The following GALNT15 variants were observed in gnomAD, a reference collection of about 807,000 sequenced individuals.
GALNT15 encodes polypeptide N-acetylgalactosaminyltransferase 15, also known as UDP-GalNAc transferase T15.
Under a neutral mutation model 66.8 loss-of-function variants are expected in GALNT15, and 67 were observed. The observed-to-expected ratio is 1.00, with a 90% CI of 0.82 to 1.23. GALNT15 has a LOEUF of 1.23. GALNT15 is among the 50% of genes most tolerant of loss of function. GALNT15 has a pLI of 0.00. For missense variants in GALNT15, 827 were observed against 804.3 expected (o/e 1.03, Z -0.34); for synonymous variants, 313 against 311.5 (o/e 1.00, Z -0.05).
rs1505610 is a variant in GALNT15 at position 16,211,991 on chromosome 3, G to C, written c.1198-578G>C. ...TTCCATTCATATGCTGCTTATCCTA[G>C]GACAGTACTTCTACTTTAACCTTTA... On this transcript the variant is annotated intron_variant, in intron 5 of 9. Coordinates refer to ENST00000339732, the MANE Select transcript of GALNT15 (RefSeq NM_054110.5). The surrounding 1 kb of genome is among the most constrained non-coding windows in gnomAD (Gnocchi z 4.3). Among the ~76,000 whole-genome samples, 27,467 of 152,106 alleles carry C rather than the reference G, an allele frequency of 0.18. 3,104 individuals carry two copies. The highest frequency in any genetic ancestry group is 0.31 in the African/African-American group (12,739 of 41,456).
chr3:16,200,497 G>A lies in GALNT15; in HGVS notation c.707-122G>A, dbSNP rs1050108724. The A allele has an allele frequency of 2.5e-5, 17 of 667,566 alleles. No homozygotes were observed. The highest frequency in any genetic ancestry group is 1.2e-4 in the Admixed American group (3 of 25,228). 41.4% of individuals were successfully genotyped at this position (667,566 alleles called of 1,614,324 possible). ...ACAACCACACTGTAGTAATGTTTTC[G>A]GTTCTTAGGACCCAGGTGCTCACCA... On this transcript the variant is annotated intron_variant, in intron 2 of 9. Transcript: ENST00000339732. The surrounding 1 kb of genome is among the most constrained non-coding windows in gnomAD (Gnocchi z 4.4).
downstream of GALNT15, among the ~76,000 whole-genome samples, chr3:16,232,392 C>A (rs2064089715): frequency 6.8e-6 from 1 of 146,404 alleles, no homozygotes; most frequent in Non-Finnish European, 1.5e-5. Context: ...ATAGTAAGAC[C>A]CTATCTCTAC....
chr3:16,192,211 G>A (rs973476), intron 1 of GALNT15, among the ~76,000 whole-genome samples: 3 of 152,120 alleles, frequency 2.0e-5, no homozygotes, highest in Non-Finnish European at 2.9e-5. Flanking sequence ...GCACACACAC[G>A]TGCACATGTG....
At chr3:16,232,512 T>A (rs1828903), downstream of GALNT15, among the ~76,000 whole-genome samples, 8,244 of 33,900 alleles carry the variant, frequency 0.24, 1,067 homozygotes, top group Non-Finnish European at 0.27. Context: ...ATATATATAT[T>A]TATTTAAAAG....
chr3:16,215,550 G>A (rs757788095), intron 6 of GALNT15, among the ~76,000 whole-genome samples: 7 of 152,130 alleles, frequency 4.6e-5, no homozygotes, highest in Non-Finnish European at 1.5e-5. Flanking sequence ...ATAGTTGGAC[G>A]TCCATAAATA....
intron 1 of GALNT15, among the ~76,000 whole-genome samples, chr3:16,178,254 T>C (rs2063431825): frequency 1.3e-5 from 2 of 152,118 alleles, no homozygotes; most frequent in Non-Finnish European, 2.9e-5. Context: ...CAAGTGTGGG[T>C]ACATTTTGTG....
rs2063915456 is a variant in GALNT15 at position 16,219,325 on chromosome 3, A to G, written c.1393-78A>G. The G allele has an allele frequency of 3.2e-6, 5 of 1,570,614 alleles. No individual in the cohort carries two copies. Among genetic ancestry groups the G allele is most frequent in the South Asian group, 2.4e-5 (2 of 83,216 alleles). On this transcript the variant is annotated intron_variant, in intron 6 of 9. Transcript: ENST00000339732. This position sits in a 1 kb window ranked among gnomAD's most constrained non-coding sequence, Gnocchi z 4.3. The stretch of plus-strand genomic sequence containing the variant: ...TGTCCTGATCCTTTAGCTTCTTCCC[A>G]GCCACTCCATCCCCAACCATGTGAA...
chr3:16,196,145 T>C (rs959165356), intron 2 of GALNT15, among the ~76,000 whole-genome samples: 1 of 152,118 alleles, frequency 6.6e-6, no homozygotes, highest in Non-Finnish European at 1.5e-5. Flanking sequence ...GAAAGAGCCC[T>C]GCAGGGGAAA....
intron 4 of GALNT15, among the ~76,000 whole-genome samples, chr3:16,210,714 A>AG (rs1181704238): frequency 6.6e-6 from 1 of 152,196 alleles, no homozygotes; most frequent in Non-Finnish European, 1.5e-5. Flanking sequence ...GAAGAGGGTG[A>AG]GAAAAAGAAA....
rs1420175909 is a variant in GALNT15, at chr3:16,224,792, A to G, written c.1773+2034A>G. On this transcript the variant is annotated intron_variant, in intron 9 of 9. Coordinates refer to ENST00000339732, the MANE Select transcript of GALNT15 (RefSeq NM_054110.5). This position sits in a 1 kb window ranked among gnomAD's most constrained non-coding sequence, Gnocchi z 5.2. ...GCTGAGATTAGAGGTGCCTGCCACCATGCCCAGCTAATTTTGTATTTTTAG... is the reference window on the plus strand; with the variant it reads ...GCTGAGATTAGAGGTGCCTGCCACCGTGCCCAGCTAATTTTGTATTTTTAG... Among the ~76,000 whole-genome samples the G allele has an allele frequency of 6.6e-6, 1 of 152,024 alleles. No individual in the cohort carries two copies. Among genetic ancestry groups the G allele is most frequent in the Non-Finnish European group, 1.5e-5 (1 of 68,004 alleles).
chr3:16,233,251 C>T (rs749784457), downstream of GALNT15, among the ~76,000 whole-genome samples: 1 of 151,596 alleles, frequency 6.6e-6, no homozygotes, highest in African/African-American at 2.4e-5. Context: ...TGCATCACCA[C>T]GCCTGGCTAA....
downstream of GALNT15, among the ~76,000 whole-genome samples, chr3:16,232,469 AATATATATATATATATATATATATATAT>A (rs374444719): frequency 2.1e-4 from 8 of 38,742 alleles, 2 homozygotes; most frequent in South Asian, 2.4e-3. Context: ...TAAATAAATA[AATATATATATATATATATATATATATAT>A]ATATATATAT....
At chr3:16,232,485 T>A (rs1302989408), downstream of GALNT15, among the ~76,000 whole-genome samples, 594 of 65,082 alleles carry the variant, frequency 9.1e-3, 15 homozygotes, top group African/African-American at 0.033. Context: ...TATATATATA[T>A]ATATATATAT....
chr3:16,225,785 C>G lies in GALNT15; in HGVS notation c.1774-1569C>G, dbSNP rs1431193728. Among the ~76,000 whole-genome samples the G allele has an allele frequency of 6.6e-6, 1 of 151,524 alleles. No individual in the cohort carries two copies. Among genetic ancestry groups the G allele is most frequent in the Non-Finnish European group, 1.5e-5 (1 of 67,924 alleles). ...ACCTTAAAAATATTACACACGGTGC[C>G]CAACACTTTGAGAGGCAGAGGTGGG... On this transcript the variant is annotated intron_variant, in intron 9 of 9. Transcript: ENST00000339732. The surrounding 1 kb of genome is among the most constrained non-coding windows in gnomAD (Gnocchi z 4.4).
chr3:16,228,370 G>A lies in GALNT15; in HGVS notation c.*870G>A. 1 of 984,038 alleles carries A rather than the reference G, an allele frequency of 1.0e-6. No individual in the cohort carries two copies. The highest frequency in any genetic ancestry group is 1.2e-6 in the Non-Finnish European group (1 of 828,366). 61.0% of individuals were successfully genotyped at this position (984,038 alleles called of 1,614,324 possible). A position where few individuals can be genotyped will look rare whatever the true frequency, so the allele number is the denominator to read the frequency against. ...TTGAGAAACTCTCCTGCCGGGCGCGGTGGCTCATGCCTGTAATTCCAGCAC... is the reference window on the plus strand; with the variant it reads ...TTGAGAAACTCTCCTGCCGGGCGCGATGGCTCATGCCTGTAATTCCAGCAC... On this transcript the variant is annotated 3_prime_UTR_variant, in exon 10 of 10. Coordinates refer to ENST00000339732, the MANE Select transcript of GALNT15 (RefSeq NM_054110.5).
At chr3:16,215,495 A>G (rs2063861315) in intron 6 of GALNT15, among the ~76,000 whole-genome samples, 1 of 152,244 alleles carries the variant, frequency 6.6e-6, no homozygotes, top group African/African-American at 2.4e-5. Flanking sequence ...GCTCTCTAAC[A>G]TCGAAACAGT....
the GALNT15 span, among the ~76,000 whole-genome samples, chr3:16,243,063 A>T: frequency 2.0e-5 from 3 of 152,142 alleles, no homozygotes; most frequent in African/African-American, 7.2e-5. Flanking sequence ...TACCTAAAGA[A>T]CACCAGACTG....
intron 4 of GALNT15, among the ~76,000 whole-genome samples, chr3:16,210,291 T>G (rs925564753): frequency 6.6e-6 from 1 of 152,220 alleles, no homozygotes; most frequent in Non-Finnish European, 1.5e-5. Context: ...GAGTTGGAAA[T>G]TATACTGAAT....
rs1331000720 is a variant in GALNT15 at position 16,175,271 on chromosome 3, G to A, written c.120G>A (p.Leu40=). 1.2e-6 allele frequency: 2 copies of A among 1,614,026 alleles called. No homozygotes were observed. The highest frequency in any genetic ancestry group is 1.7e-6 in the Non-Finnish European group (2 of 1,180,048). The change falls in exon 1 of 10, where the codon CTG becomes CTA. Residue 40 remains leucine, a synonymous_variant. Coordinates refer to ENST00000339732, the MANE Select transcript of GALNT15 (RefSeq NM_054110.5). This position sits in a 1 kb window ranked among gnomAD's most constrained non-coding sequence, Gnocchi z 5.6. ...VAMLHPPHHT[L]HQTVTAQASK... is the part of the protein sequence containing the mutation. Reference sequence around the variant, plus strand: ...TGTTGCACCCTCCCCACCACACCCTGCACCAGACTGTCACAGCCCAAGCCA... The same window carrying A: ...TGTTGCACCCTCCCCACCACACCCTACACCAGACTGTCACAGCCCAAGCCA...
Sources: allele counts gnomAD v4.1 joint callset (sites outside exome capture counted in the v4.1 genomes callset), GRCh38; gene constraint gnomAD v4.1.1; non-coding constraint Gnocchi (gnomAD v3.1); transcripts MANE v1.5; gene names NCBI Gene and HGNC (gene_info 2026-07-23, HGNC 2026-07-21).